Variants in AP4E1 observed in about 807,000 individuals in gnomAD.
AP4E1 encodes the protein adaptor related protein complex 4 subunit epsilon 1.
In AP4E1, 56 loss-of-function variants were observed where a neutral mutation model predicts 128.2. That is an observed-to-expected ratio of 0.44 (90% CI 0.35 to 0.55). The LOEUF is 0.55. Ranked by LOEUF, AP4E1 falls within the 20% of genes least tolerant of loss-of-function variation. The pLI is 0.00. For synonymous variants in AP4E1, 484 were observed against 473.1 expected (o/e 1.02, Z -0.30); for missense variants, 1,324 against 1,307.7 (o/e 1.01, Z -0.19).
At chr15:50,938,848 G>A (rs914771612) in intron 8 of AP4E1, among the ~76,000 whole-genome samples, 6 of 152,258 alleles carry the variant, frequency 3.9e-5, no homozygotes, top group Non-Finnish European at 7.3e-5. Context: ...GGTATCAAAG[G>A]AGACAGAGTA....
At chr15:50,947,655 A>G (rs2064081390) in intron 10 of AP4E1, among the ~76,000 whole-genome samples, 1 of 152,188 alleles carries the variant, frequency 6.6e-6, no homozygotes, top group Non-Finnish European at 1.5e-5. Context: ...ATACACTTGC[A>G]TATATATACA....
intron 14 of AP4E1, among the ~76,000 whole-genome samples, chr15:50,964,407 G>A (rs909402118): frequency 1.4e-5 from 2 of 141,758 alleles, no homozygotes; most frequent in African/African-American, 5.2e-5. Context: ...GTTTATCTGT[G>A]TTCTCTTGTA....
intron 15 of AP4E1, among the ~76,000 whole-genome samples, chr15:50,971,450 G>T (rs1387779134): frequency 6.6e-6 from 1 of 152,088 alleles, no homozygotes; most frequent in African/African-American, 2.4e-5. Context: ...GAATCTGTTT[G>T]GGGTTCTTTG....
intron 2 of AP4E1, among the ~76,000 whole-genome samples, chr15:50,914,254 A>G (rs1459962665): frequency 6.6e-6 from 1 of 152,228 alleles, no homozygotes; most frequent in Non-Finnish European, 1.5e-5. Flanking sequence ...TACATTAAAC[A>G]TTATTATCCT....
rs12440387 is a variant in AP4E1 at position 50,966,473 on chromosome 15, C to G, written c.1852-1790C>G. On this transcript the variant is annotated intron_variant, in intron 14 of 20. Coordinates refer to ENST00000261842, the MANE Select transcript of AP4E1 (RefSeq NM_007347.5). Reference sequence around the variant, plus strand: ...TTATATTAGGGAGTAACTACACTTCCGTTTTCCTCCAATAAAAAATAATGA... The same window carrying G: ...TTATATTAGGGAGTAACTACACTTCGGTTTTCCTCCAATAAAAAATAATGA... 2.1e-3 allele frequency among the ~76,000 whole-genome samples: 319 copies of G among 150,972 alleles called. 2 individuals carry two copies. The highest frequency in any genetic ancestry group is 7.5e-3 in the African/African-American group (309 of 41,094).
intron 7 of AP4E1, among the ~76,000 whole-genome samples, chr15:50,933,915 G>A (rs1413259743): frequency 2.7e-5 from 4 of 150,626 alleles, no homozygotes; most frequent in Non-Finnish European, 5.9e-5. Flanking sequence ...AGTGCTTTTT[G>A]AATTTGTAAA....
upstream of AP4E1, among the ~76,000 whole-genome samples, chr15:50,907,791 G>T (rs2038708965): frequency 6.6e-6 from 1 of 152,198 alleles, no homozygotes; most frequent in African/African-American, 2.4e-5. Flanking sequence ...GAATTCCCTA[G>T]AAGGGTCTCA....
chr15:50,932,031 G>A (rs1175098214), intron 7 of AP4E1, among the ~76,000 whole-genome samples: 1 of 151,842 alleles, frequency 6.6e-6, no homozygotes, highest in Non-Finnish European at 1.5e-5. Flanking sequence ...CCAGGCTGGA[G>A]TGTAGTGGCG....
rs757157711 is a variant in AP4E1, at chr15:50,993,537, T to C, written c.2258T>C (p.Val753Ala). ...QAITKKDQSQ[V>A]LTQSKEEKEK... ...ATAACTAAAAAGGATCAATCTCAAG[T>C]TCTTACCCAATCTAAAGAGGAGAAA... The change falls in exon 17 of 21, where the codon GTT (valine) becomes GCT (alanine). Residue 753 changes from valine to alanine, a missense_variant. Transcript: ENST00000261842. 62 of 1,613,890 alleles carry C rather than the reference T, an allele frequency of 3.8e-5. No homozygotes were observed. The highest frequency in any genetic ancestry group is 5.0e-5 in the Non-Finnish European group (59 of 1,179,966).
At position 50,996,134 on chromosome 15, in the gene AP4E1, A is replaced by ACC. The variant is rs2064869785; in HGVS notation, c.2347-1192_2347-1191insCC. 2.0e-5 allele frequency among the ~76,000 whole-genome samples: 3 copies of ACC among 149,512 alleles called. No homozygotes were observed. In the South Asian group the frequency reaches 6.4e-4, roughly 32 times the overall value. On this transcript the variant is annotated intron_variant, in intron 17 of 20. Transcript: ENST00000261842. Reference sequence around the variant, plus strand: ...CTCCCGAGTAGCTGGGATTACAGGCATGCGCTACCACGCCTGGCTAATTTT... The same window carrying ACC: ...CTCCCGAGTAGCTGGGATTACAGGCACCTGCGCTACCACGCCTGGCTAATTTT...
chr15:50,993,295 T>C, intron 16 of AP4E1, 75 bp from the exon 17 acceptor site: 15 of 1,524,404 alleles, frequency 9.8e-6, no homozygotes. Context: ...ATTGATATGT[T>C]TTGAAAGAAT....
chr15:50,966,497 G>C (rs968735051), intron 14 of AP4E1, among the ~76,000 whole-genome samples: 15 of 147,218 alleles, frequency 1.0e-4, no homozygotes, highest in Middle Eastern at 3.6e-3. Context: ...AAAAAATAAT[G>C]ATGTTGACAT....
In AP4E1 at chr15:50,908,759, C is replaced by A; in HGVS notation, c.-20C>A. On this transcript the variant is annotated 5_prime_UTR_variant, in exon 1 of 21. Transcript: ENST00000261842. ...GCTACGGGATCGCGGGCGGCGGCGG[C>A]ATCGCGGGCGGCGGCGGCGATGAGC... The A allele has an allele frequency of 6.6e-7, 1 of 1,514,098 alleles. No individual in the cohort carries two copies. Among genetic ancestry groups the A allele is most frequent in the Non-Finnish European group, 8.8e-7 (1 of 1,134,544 alleles). 93.8% of individuals were successfully genotyped at this position (1,514,098 alleles called of 1,614,324 possible).
intron 15 of AP4E1, among the ~76,000 whole-genome samples, chr15:50,976,397 A>G (rs955216394): frequency 1.3e-5 from 2 of 152,228 alleles, no homozygotes; most frequent in African/African-American, 4.8e-5. Context: ...AATAAAGACC[A>G]TATATGATAA....
At chr15:50,921,369 GAC>G (rs886758302) in intron 3 of AP4E1, among the ~76,000 whole-genome samples, 5 of 150,640 alleles carry the variant, frequency 3.3e-5, no homozygotes, top group African/African-American at 7.3e-5. Context: ...TTTTTTTTGA[GAC>G]AGAGTCTTGT....
intron 8 of AP4E1, among the ~76,000 whole-genome samples, chr15:50,939,770 T>C (rs1449496194): frequency 6.6e-6 from 1 of 152,160 alleles, no homozygotes; most frequent in Non-Finnish European, 1.5e-5. Context: ...AAGAGAGTTC[T>C]TAATGGTAGG....
rs2063987829 is a variant in AP4E1 at position 50,941,517 on chromosome 15, G to C, written c.1019G>C (p.Cys340Ser). Residue 340 changes from cysteine (C) to serine (S), a missense_variant, in exon 9 of 21, where the codon TGC becomes TCC. Physicochemically the swap from Cys to Ser is moderately radical, Grantham distance 112. Transcript: ENST00000261842. ...GAATTACTTGAGAAGGCTGCCAAGT[G>C]CATTGGAAAATTTGTTCTGTCACCT... ...KSELLEKAAK[C>S]IGKFVLSPKI... 1 of 1,613,150 alleles carries C rather than the reference G, an allele frequency of 6.2e-7. No homozygotes were observed. The highest frequency in any genetic ancestry group is 8.5e-7 in the Non-Finnish European group (1 of 1,179,596).
rs1480554702 is a variant in AP4E1, at chr15:51,005,870, A to G, written c.*3208A>G. The G allele has an allele frequency of 6.6e-6, 1 of 152,424 alleles. No individual in the cohort carries two copies. Among genetic ancestry groups the G allele is most frequent in the Non-Finnish European group, 1.5e-5 (1 of 68,018 alleles). The allele number at this position is 152,424 out of a possible 1,614,324, so 9.4% of individuals were successfully genotyped here. A position where few individuals can be genotyped will look rare whatever the true frequency, so the allele number is the denominator to read the frequency against. On this transcript the variant is annotated 3_prime_UTR_variant, in exon 21 of 21. Coordinates refer to ENST00000261842, the MANE Select transcript of AP4E1 (RefSeq NM_007347.5). ...TTCTGTCATTTGAAAAAGTTCAGTA[A>G]TGTAATAAATACAAAGTGATCTGCA... is the stretch of plus-strand genomic sequence containing the variant.
At chr15:50,965,454 C>T (rs2064379614) in intron 14 of AP4E1, among the ~76,000 whole-genome samples, 2 of 152,176 alleles carry the variant, frequency 1.3e-5, no homozygotes, top group African/African-American at 4.8e-5. Flanking sequence ...GGGGTGCACA[C>T]AAATTGATTT....
Sources: allele counts gnomAD v4.1 joint callset (sites outside exome capture counted in the v4.1 genomes callset), GRCh38; gene constraint gnomAD v4.1.1; transcripts MANE v1.5; gene names NCBI Gene and HGNC (gene_info 2026-07-23, HGNC 2026-07-21).